COL6A3: variants seen among roughly 807,000 people sequenced by gnomAD.
COL6A3 encodes the protein collagen type VI alpha 3 chain.
Under a neutral mutation model 274.1 loss-of-function variants are expected in COL6A3, and 137 were observed. The ratio of observed to expected loss-of-function variants is 0.50; its 90% CI spans 0.44 to 0.58. The LOEUF (loss-of-function observed/expected upper bound fraction) is 0.58. Ranked by LOEUF, COL6A3 falls within the 20% of genes least tolerant of loss-of-function variation. COL6A3 has a pLI of 0.00. For synonymous variants in COL6A3, 1,650 were observed against 1,650.6 expected, an observed-to-expected ratio of 1.00 and a Z score of 0.01; for missense variants, 3,950 against 4,124.9, an observed-to-expected ratio of 0.96 and a Z score of 1.16.
chr2:237,356,561 G>A (rs899969103), intron 23 of COL6A3, among the ~76,000 whole-genome samples: 8 of 152,246 alleles, frequency 5.3e-5, no homozygotes, highest in South Asian at 2.1e-4. Flanking sequence ...CCCTCAGGGC[G>A]TGGCTGAGGG....
Position 237,341,083 on chromosome 2 carries a change from C to T in COL6A3, c.7833G>A (p.Ala2611=), listed in dbSNP as rs535306425. The change falls in exon 38 of 44, where the codon GCG becomes GCA. Residue 2611 remains alanine, a synonymous_variant. Coordinates refer to ENST00000295550, the MANE Select transcript of COL6A3 (RefSeq NM_004369.4). ...SWRPSFRDRR[A]AGSDVDIDMA... is the part of the protein sequence containing the mutation. ...TGTCGATGTCCACATCGCTCCCTGC[C>T]GCTCTCCTGTCCCTGAAGGAAGGCC... 95 of 1,614,186 alleles carry T rather than the reference C, an allele frequency of 5.9e-5. No homozygotes were observed. The South Asian group carries it at 8.0e-4, about 14-fold the overall frequency.
At chr2:237,370,416 T>G (rs2077658919) in intron 9 of COL6A3, among the ~76,000 whole-genome samples, 1 of 151,852 alleles carries the variant, frequency 6.6e-6, no homozygotes, top group Non-Finnish European at 1.5e-5. Flanking sequence ...TTTTTGTATT[T>G]TGAGTAGAGA....
At chr2:237,332,566 G>A (rs1228370860) in intron 42 of COL6A3, among the ~76,000 whole-genome samples, 1 of 152,140 alleles carries the variant, frequency 6.6e-6, no homozygotes, top group Non-Finnish European at 1.5e-5. Flanking sequence ...AATGAGCATT[G>A]TGAAGAGAAA....
Position 237,344,889 on chromosome 2 carries a change from T to C in COL6A3, c.7175-46A>G, listed in dbSNP as rs2077067338. 6.2e-7 allele frequency: 1 copy of C among 1,613,896 alleles called. No homozygotes were observed. The highest frequency in any genetic ancestry group is 8.5e-7 in the Non-Finnish European group (1 of 1,180,046). On this transcript the variant is annotated intron_variant, in intron 35 of 43. Coordinates refer to ENST00000295550, the MANE Select transcript of COL6A3 (RefSeq NM_004369.4). The surrounding 1 kb of genome is among the most constrained non-coding windows in gnomAD (Gnocchi z 4.8). ...AGGGTTAAAGACAAACTGTACTTAC[T>C]ACAAAAGGGAGGCTTCCTTTCCTTA...
chr2:237,356,531 CG>C (rs1424338066), intron 23 of COL6A3, among the ~76,000 whole-genome samples: 2 of 152,170 alleles, frequency 1.3e-5, no homozygotes, highest in Non-Finnish European at 2.9e-5. Flanking sequence ...GCCCAAGTGC[CG>C]GGCCGAACGA....
At position 237,368,921 on chromosome 2, in the gene COL6A3, C is replaced by A; in HGVS notation, c.4542G>T (p.Leu1514=). 6.2e-7 allele frequency: 1 copy of A among 1,614,202 alleles called. No individual in the cohort carries two copies. ...CAAATTCGAGAGCCTTGCCAGTGTT[C>A]AGTGGGGACCCCCCTCTGAGCCTCA... ...RRLRLRGGSP[L]NTGKALEFVA... The change falls in exon 10 of 44, where the codon CTG becomes CTT. Residue 1514 remains leucine (L), a synonymous_variant. Coordinates refer to ENST00000295550, the MANE Select transcript of COL6A3 (RefSeq NM_004369.4). The surrounding 1 kb of genome is among the most constrained non-coding windows in gnomAD (Gnocchi z 4.4).
At chr2:237,360,237 A>G in intron 16 of COL6A3, 78 bp from the exon 17 acceptor site, 1 of 1,392,692 alleles carries the variant, frequency 7.2e-7, no homozygotes, top group East Asian at 2.3e-5. Flanking sequence ...AGCAGCGTAA[A>G]GGGTACTGTG....
chr2:237,365,413 G>C (rs1332031680), intron 12 of COL6A3, among the ~76,000 whole-genome samples: 2 of 152,056 alleles, frequency 1.3e-5, no homozygotes, highest in East Asian at 3.9e-4. Flanking sequence ...TGAAAGTGGA[G>C]AACGTACCTG....
At chr2:237,331,939 C>T (rs1487903480) in intron 42 of COL6A3, among the ~76,000 whole-genome samples, 1 of 149,290 alleles carries the variant, frequency 6.7e-6, no homozygotes, top group Non-Finnish European at 1.5e-5. Flanking sequence ...AAACACAAGC[C>T]CCAATTTCAA....
rs201078854 is a variant in COL6A3 at position 237,336,826 on chromosome 2, A to AT, written c.8568-295_8568-294insA. 0.011 allele frequency among the ~76,000 whole-genome samples: 1,690 copies of AT among 152,342 alleles called. 13 individuals carry two copies. The highest frequency in any genetic ancestry group is 0.027 in the Middle Eastern group (8 of 294). ...AGGCAGAGAGAAAATAAGAGACAAT[A>AT]ATGAATAATATCCAACAATGTTCTC... On this transcript the variant is annotated intron_variant, in intron 39 of 43. Transcript: ENST00000295550.
chr2:237,410,548 G>A (rs113328198), intron 1 of COL6A3, among the ~76,000 whole-genome samples: 3 of 151,902 alleles, frequency 2.0e-5, no homozygotes, highest in African/African-American at 2.4e-5. Flanking sequence ...CAAGCGATCC[G>A]CCCACCTCAG....
chr2:237,330,302 A>G (rs1046114938), intron 42 of COL6A3: 1 of 152,218 alleles, frequency 6.6e-6, no homozygotes, highest in Admixed American at 6.5e-5. Context: ...GCAGCGACAA[A>G]GCAGGTGGCA....
Position 237,368,536 on chromosome 2 carries a change from T to C in COL6A3, c.4900+27A>G, listed in dbSNP as rs974459792. 4.3e-6 allele frequency: 7 copies of C among 1,613,066 alleles called. No homozygotes were observed. The Admixed American group carries it at 5.0e-5, about 12-fold the overall frequency. Reference sequence around the variant, plus strand: ...AAAAAAAAATGTTGATGTCACACTCTGTAGTCATGGGTCACACGGTGCATA... The same window carrying C: ...AAAAAAAAATGTTGATGTCACACTCCGTAGTCATGGGTCACACGGTGCATA... On this transcript the variant is annotated intron_variant, in intron 10 of 43. Transcript: ENST00000295550. The surrounding 1 kb of genome is among the most constrained non-coding windows in gnomAD (Gnocchi z 4.4).
Position 237,366,862 on chromosome 2 carries a change from A to G in COL6A3, c.5325T>C (p.Ala1775=). 1 of 1,614,242 alleles carries G rather than the reference A, an allele frequency of 6.2e-7. No individual in the cohort carries two copies. The highest frequency in any genetic ancestry group is 1.3e-5 in the African/African-American group (1 of 75,052). ...ALTQRGVKVF[A]VGVRNIDSEE... The stretch of plus-strand genomic sequence containing the variant: ...CCGAGTCGATATTCCTCACTCCAAC[A>G]GCAAACACTTTGACCCCCCTCTGGG... The change falls in exon 11 of 44, where the codon GCT becomes GCC. Residue 1775 remains alanine (A), a synonymous_variant. Transcript: ENST00000295550.
intron 3 of COL6A3, among the ~76,000 whole-genome samples, chr2:237,392,911 G>A (rs902790006): frequency 3.3e-5 from 5 of 152,222 alleles, no homozygotes; most frequent in East Asian, 1.9e-4. Context: ...CCAGCCCCGC[G>A]ATTGGCCCTC....
Position 237,361,662 on chromosome 2 carries a change from G to C in COL6A3, c.6156+77C>G. The C allele has an allele frequency of 3.9e-6, 5 of 1,292,032 alleles. No homozygotes were observed. The highest frequency in any genetic ancestry group is 5.6e-6 in the Non-Finnish European group (5 of 886,326). The allele number at this position is 1,292,032 out of a possible 1,614,324, so 80.0% of individuals were successfully genotyped here. On this transcript the variant is annotated intron_variant, in intron 15 of 43. Transcript: ENST00000295550. This position sits in a 1 kb window ranked among gnomAD's most constrained non-coding sequence, Gnocchi z 5.1. ...CCTTCATCTCCACACTCTTCTGTTA[G>C]AGAAATTACCCCACCAAAGTAATGT...
chr2:237,346,186 G>T (rs1289718473), intron 32 of COL6A3, among the ~76,000 whole-genome samples: 1 of 152,106 alleles, frequency 6.6e-6, no homozygotes, highest in African/African-American at 2.4e-5. Flanking sequence ...CAAGCAAAAG[G>T]TATTTAGATT....
At chr2:237,391,772 G>A (rs896164605) in intron 3 of COL6A3, among the ~76,000 whole-genome samples, 27 of 152,274 alleles carry the variant, frequency 1.8e-4, no homozygotes, top group African/African-American at 9.6e-5. Flanking sequence ...TGATCCTCCC[G>A]TCTCAGCCTC....
intron 32 of COL6A3, 112 bp downstream of exon 32, chr2:237,346,391 T>C: frequency 6.5e-6 from 6 of 917,134 alleles, no homozygotes; most frequent in African/African-American, 1.6e-5. Flanking sequence ...ACCAAGCAAA[T>C]ACAAAGAGAG....
Sources: gnomAD v4.1 joint callset for allele counts (sites outside exome capture counted in the v4.1 genomes callset) on GRCh38, gnomAD v4.1.1 for gene constraint, Gnocchi (gnomAD v3.1) non-coding constraint, MANE v1.5 for transcripts, NCBI Gene and HGNC (gene_info 2026-07-23, HGNC 2026-07-21) for gene names.